Variants in IQCE observed in about 807,000 individuals in gnomAD.
IQCE encodes the protein IQ motif containing E.
Under a neutral mutation model 96.0 loss-of-function variants are expected in IQCE, and 115 were observed. That is an observed-to-expected ratio of 1.20 (90% CI 1.03 to 1.40). The LOEUF is 1.40. Ranked by LOEUF, IQCE falls within the 40% of genes most tolerant of loss-of-function variation. The pLI is 0.00. For synonymous variants in IQCE, 412 were observed against 371.2 expected (o/e 1.11, Z -1.26); for missense variants, 1,041 against 909.1 (o/e 1.15, Z -1.87).
chr7:2,586,095 C>T, intron 11 of IQCE, 113 bp from the exon 12 acceptor site: 1 of 995,798 alleles, frequency 1.0e-6, no homozygotes, highest in Non-Finnish European at 1.4e-6. Context: ...CTGCAAAAAC[C>T]ACTCTGAGCT....
chr7:2,602,242 G>A (rs1784484033), intron 18 of IQCE, among the ~76,000 whole-genome samples: 1 of 152,248 alleles, frequency 6.6e-6, no homozygotes, highest in Admixed American at 6.5e-5. Flanking sequence ...GGGACAAGGA[G>A]TCTGAGACGG....
rs755275553 is a variant in IQCE at position 2,560,683 on chromosome 7, CA to C, written c.36+1467del. On this transcript the variant is annotated intron_variant, in intron 1 of 21. Transcript: ENST00000402050. ...TTTAAGACAGAGTCTCTTGGCCGGG[CA>C]CGGCGGCTCATGCCTGTAATCCCAG... Among the ~76,000 whole-genome samples the C allele has an allele frequency of 2.5e-3, 381 of 151,416 alleles. 2 individuals are homozygous for C. Among genetic ancestry groups the C allele is most frequent in the South Asian group, 4.2e-3 (18 of 4,312 alleles).
intron 14 of IQCE, among the ~76,000 whole-genome samples, chr7:2,592,412 T>C (rs1419445977): frequency 6.6e-6 from 1 of 152,234 alleles, no homozygotes; most frequent in Non-Finnish European, 1.5e-5. Flanking sequence ...AAGAGCCACC[T>C]CTTAGGAGCC....
Position 2,584,263 on chromosome 7 carries a change from A to G in IQCE, c.802A>G (p.Ser268Gly), listed in dbSNP as rs1423690097. Residue 268 changes from serine (S) to glycine (G), a missense_variant, in exon 11 of 22, where the codon AGT becomes GGT. By Grantham distance (56) the Ser-to-Gly change is moderately conservative. Coordinates refer to ENST00000402050, the MANE Select transcript of IQCE (RefSeq NM_152558.5). The stretch of plus-strand genomic sequence containing the variant: ...GCATCGTCTCCAGACCCTCTTGGCA[A>G]GTTCTGAAACCACCGGAAAGAAGTA... ...EVHRLQTLLA[S>G]SETTGKKPLG... 1.2e-6 allele frequency: 2 copies of G among 1,614,074 alleles called. No individual in the cohort carries two copies. Among genetic ancestry groups the G allele is most frequent in the Admixed American group, 1.7e-5 (1 of 60,032 alleles).
intron 14 of IQCE, among the ~76,000 whole-genome samples, chr7:2,591,468 A>C (rs1009630834): frequency 5.3e-5 from 8 of 151,904 alleles, no homozygotes; most frequent in Admixed American, 2.0e-4. Context: ...GTTTCTCTCT[A>C]GTTTGCAAGA....
intron 15 of IQCE, among the ~76,000 whole-genome samples, chr7:2,593,923 A>G (rs966175357): frequency 1.4e-4 from 22 of 152,230 alleles, no homozygotes; most frequent in African/African-American, 5.1e-4. Context: ...CTGAGCAGAC[A>G]TATTTAGCAC....
intron 10 of IQCE, 36 bp downstream of exon 10, chr7:2,583,745 A>G (rs745685049): frequency 6.4e-6 from 6 of 938,500 alleles, no homozygotes; most frequent in Non-Finnish European, 8.8e-6. Flanking sequence ...GAGGGCGGGC[A>G]CCGAGCTGGG....
chr7:2,563,746 T>C (rs1781148166), intron 1 of IQCE, among the ~76,000 whole-genome samples: 1 of 149,706 alleles, frequency 6.7e-6, no homozygotes, highest in Non-Finnish European at 1.5e-5. Flanking sequence ...TACAAAAAAT[T>C]AGCCGGGCGT....
At chr7:2,569,128 C>T in intron 3 of IQCE, 129 bp downstream of exon 3, 1 of 830,940 alleles carries the variant, frequency 1.2e-6, no homozygotes, top group Non-Finnish European at 1.9e-6. Flanking sequence ...GCCCCATTCC[C>T]ACTGGGGTCT....
chr7:2,605,563 T>C (rs1188335018), intron 19 of IQCE, among the ~76,000 whole-genome samples: 1 of 151,864 alleles, frequency 6.6e-6, no homozygotes, highest in Non-Finnish European at 1.5e-5. Context: ...GAGCTTACAG[T>C]GAGTCGAGAT....
intron 21 of IQCE, among the ~76,000 whole-genome samples, chr7:2,607,743 G>T (rs2247492): frequency 6.6e-6 from 1 of 152,016 alleles, no homozygotes; most frequent in Admixed American, 6.5e-5. Context: ...CTAGACAGCT[G>T]GAAAGCCACT....
chr7:2,585,527 C>G (rs755147739), intron 11 of IQCE, among the ~76,000 whole-genome samples: 1 of 152,276 alleles, frequency 6.6e-6, no homozygotes, highest in African/African-American at 2.4e-5. Flanking sequence ...CTTAGAGGCA[C>G]TGGACGGCAC....
At chr7:2,606,443 G>A (rs1164842639) in intron 20 of IQCE, among the ~76,000 whole-genome samples, 1 of 152,164 alleles carries the variant, frequency 6.6e-6, no homozygotes, top group Non-Finnish European at 1.5e-5. Context: ...GCCTCTTGGT[G>A]GGTTTGCTAG....
chr7:2,596,816 A>G, intron 16 of IQCE: 1 of 381,842 alleles, frequency 2.6e-6, no homozygotes, highest in Non-Finnish European at 5.4e-6. Context: ...GACTGAGGGA[A>G]GATGAGGCTC....
intron 16 of IQCE, 36 bp from the exon 17 acceptor site, chr7:2,598,429 G>T (rs769398909): frequency 2.0e-6 from 3 of 1,532,188 alleles, no homozygotes; most frequent in Non-Finnish European, 2.6e-6. Flanking sequence ...CCCTGCCCTG[G>T]CTTCATTGTC....
intron 15 of IQCE, among the ~76,000 whole-genome samples, chr7:2,593,693 C>A (rs1023427701): frequency 1.3e-5 from 2 of 152,200 alleles, no homozygotes; most frequent in Admixed American, 6.5e-5. Context: ...GGCGGACCCA[C>A]GTGACAAGTG....
At chr7:2,580,323 C>T (rs1305612758) in intron 8 of IQCE, 1 of 151,410 alleles carries the variant, frequency 6.6e-6, no homozygotes, top group Non-Finnish European at 1.5e-5. Flanking sequence ...TTAAAAGTGT[C>T]TATCTGCCGG....
rs917695388 is a variant in IQCE at position 2,614,606 on chromosome 7, G to GAATTATTCT, written c.*4447_*4455dup. 2 of 152,236 alleles carry GAATTATTCT rather than the reference G, an allele frequency of 1.3e-5. No individual in the cohort carries two copies. The highest frequency in any genetic ancestry group is 4.8e-5 in the African/African-American group (2 of 41,454). 9.4% of individuals were successfully genotyped at this position (152,236 alleles called of 1,614,324 possible). A position where few individuals can be genotyped will look rare whatever the true frequency, so the allele number is the denominator to read the frequency against. On this transcript the variant is annotated 3_prime_UTR_variant, in exon 22 of 22. Coordinates refer to ENST00000402050, the MANE Select transcript of IQCE (RefSeq NM_152558.5). The stretch of plus-strand genomic sequence containing the variant: ...GCTGGTCTTTGGCATTTTGTATTTA[G>GAATTATTCT]AATTATTCTAACTTTATACATAATG...
rs755610932 is a variant in IQCE at position 2,598,538 on chromosome 7, A to AG, written c.1518dup (p.Leu507AlafsTer10). ...GACTGGCCGCCGGATTCCAGCGAGG[A>AG]GGGGCTCCCGCGGCCCCGCTCCCCC... is the stretch of plus-strand genomic sequence containing the variant. On this transcript the variant is annotated frameshift_variant, in exon 17 of 22. Coordinates refer to ENST00000402050, the MANE Select transcript of IQCE (RefSeq NM_152558.5). LOFTEE classifies it high-confidence loss of function. 6.2e-7 allele frequency: 1 copy of AG among 1,610,876 alleles called. No individual in the cohort carries two copies. The highest frequency in any genetic ancestry group is 2.2e-5 in the East Asian group (1 of 44,534).
Sources: gnomAD v4.1 joint callset for allele counts (sites outside exome capture counted in the v4.1 genomes callset) on GRCh38, gnomAD v4.1.1 for gene constraint, MANE v1.5 for transcripts, NCBI Gene and HGNC (gene_info 2026-07-23, HGNC 2026-07-21) for gene names.